The following NCAN variants were observed in gnomAD, a reference collection of about 807,000 sequenced individuals.
NCAN encodes neurocan.
NCAN carries 47 observed loss-of-function variants against 121.8 expected under a neutral mutation model. That is an observed-to-expected ratio of 0.39 (90% CI 0.31 to 0.49). The LOEUF (loss-of-function observed/expected upper bound fraction) is 0.49, where lower values mean the gene tolerates loss of function less well. Ranked by LOEUF, NCAN falls within the 20% of genes least tolerant of loss-of-function variation. NCAN has a pLI of 0.92. For synonymous variants in NCAN, 633 were observed against 702.0 expected (o/e 0.90, Z 1.55); for missense variants, 1,517 against 1,773.4 (o/e 0.86, Z 2.60).
chr19:19,223,906 C>T (rs535385963), intron 3 of NCAN, 115 bp from the exon 4 acceptor site: 24 of 1,075,860 alleles, frequency 2.2e-5, no homozygotes, highest in Admixed American at 2.0e-4. Flanking sequence ...CTGTGCCTGG[C>T]GCTAGGTCTA....
At chr19:19,226,188 C>T (rs957427598) in intron 6 of NCAN, among the ~76,000 whole-genome samples, 3 of 152,132 alleles carry the variant, frequency 2.0e-5, no homozygotes, top group African/African-American at 7.2e-5. Context: ...CCTTGGCCTC[C>T]CAAAGTGCTG....
At position 19,228,630 on chromosome 19, in the gene NCAN, G is replaced by A. The variant is rs778317893; in HGVS notation, c.3010G>A (p.Ala1004Thr). ...ALPGTPMNAG[A>T]EEVHSDPCEN... ...GCCAGGGACCCCTATGAATGCAGGT[G>A]CGGAGGAGGGTGAGTACAAAGTCCC... is the stretch of plus-strand genomic sequence containing the variant. The change falls in exon 8 of 15, where the codon GCG (alanine) becomes ACG (threonine). Residue 1004 changes from alanine (A) to threonine (T), a missense_variant. Coordinates refer to ENST00000252575, the MANE Select transcript of NCAN (RefSeq NM_004386.3). 3.1e-6 allele frequency: 5 copies of A among 1,608,896 alleles called. No individual in the cohort carries two copies. The highest frequency in any genetic ancestry group is 1.7e-5 in the Admixed American group (1 of 59,944).
intron 8 of NCAN, among the ~76,000 whole-genome samples, chr19:19,229,469 G>T (rs1035882128): frequency 6.6e-6 from 1 of 152,188 alleles, no homozygotes; most frequent in Non-Finnish European, 1.5e-5. Flanking sequence ...GATTTGACTC[G>T]TGGGGGACCT....
chr19:19,219,859 TAAA>T (rs35998446), intron 3 of NCAN, among the ~76,000 whole-genome samples: 22 of 128,220 alleles, frequency 1.7e-4, no homozygotes, highest in Admixed American at 3.2e-4. Context: ...ACCCCGTCTT[TAAA>T]AAAAAAAAAA....
At chr19:19,249,043 A>T in intron 14 of NCAN, 161 bp downstream of exon 14, 4 of 633,838 alleles carry the variant, frequency 6.3e-6, no homozygotes, top group Non-Finnish European at 1.1e-5. Flanking sequence ...TGTTTCCTTC[A>T]TTTGTGTGTG....
At chr19:19,215,791 G>T (rs1362139907) in intron 1 of NCAN, among the ~76,000 whole-genome samples, 2 of 152,230 alleles carry the variant, frequency 1.3e-5, no homozygotes, top group East Asian at 3.8e-4. Flanking sequence ...TGAGGATGCT[G>T]GGAGGACTGG....
chr19:19,222,302 CAG>C (rs2060819566), intron 3 of NCAN, among the ~76,000 whole-genome samples: 2 of 152,124 alleles, frequency 1.3e-5, no homozygotes, highest in Admixed American at 1.3e-4. Flanking sequence ...TTGTTTGAGA[CAG>C]AGTCTCACTC....
chr19:19,243,794 A>C (rs2060913381), intron 12 of NCAN, among the ~76,000 whole-genome samples: 1 of 151,914 alleles, frequency 6.6e-6, no homozygotes, highest in South Asian at 2.1e-4. Context: ...TTGGGAGGCC[A>C]AGGTGGGTGG....
In NCAN at chr19:19,226,515, C is replaced by G. The variant is rs1181103461; in HGVS notation, c.1102C>G (p.Leu368Val). 14 of 1,605,778 alleles carry G rather than the reference C, an allele frequency of 8.7e-6. No individual in the cohort carries two copies. The highest frequency in any genetic ancestry group is 2.7e-5 in the African/African-American group (2 of 74,674). ...AHHPTSQHGD[L>V]ETPSSGDEGE... ...TCACCCCACGTCACAACATGGAGAC[C>G]TAGAGACCCCATCCTCTGGGGATGA... is the stretch of plus-strand genomic sequence containing the variant. The change falls in exon 7 of 15, where the codon CTA becomes GTA. Residue 368 changes from leucine (L) to valine (V), a missense_variant. Transcript: ENST00000252575.
At chr19:19,249,301 G>A (rs1038490976) in intron 14 of NCAN, among the ~76,000 whole-genome samples, 1 of 152,086 alleles carries the variant, frequency 6.6e-6, no homozygotes, top group African/African-American at 2.4e-5. Flanking sequence ...GAACTCCTGA[G>A]TTCATGTGAT....
At position 19,225,337 on chromosome 19, in the gene NCAN, G is replaced by A. The variant is rs1001628399; in HGVS notation, c.1072+67G>A. ...TTTGGCGAAGGCCACGTCCCTGAAA[G>A]CCTCGCCAAGCCAAGGGAGAGACAC... On this transcript the variant is annotated intron_variant, in intron 6 of 14. Coordinates refer to ENST00000252575, the MANE Select transcript of NCAN (RefSeq NM_004386.3). The surrounding 1 kb of genome is among the most constrained non-coding windows in gnomAD (Gnocchi z 4.0). 8 of 1,433,382 alleles carry A rather than the reference G, an allele frequency of 5.6e-6. No individual in the cohort carries two copies. The African/African-American group carries it at 9.0e-5, about 16-fold the overall frequency. 88.8% of individuals were successfully genotyped at this position (1,433,382 alleles called of 1,614,324 possible).
At position 19,226,774 on chromosome 19, in the gene NCAN, G is replaced by C. The variant is rs762039510; in HGVS notation, c.1361G>C (p.Ser454Thr). 2 of 1,613,438 alleles carry C rather than the reference G, an allele frequency of 1.2e-6. No individual in the cohort carries two copies. Among genetic ancestry groups the C allele is most frequent in the Admixed American group, 1.7e-5 (1 of 60,022 alleles). ...GEVWLSTVAP[S>T]PSDMGAGTAA... ...GTGTGGCTAAGCACGGTGGCCCCCA[G>C]CCCTAGCGACATGGGGGCAGGCACT... Residue 454 changes from serine (S) to threonine (T), a missense_variant, in exon 7 of 15, where the codon AGC (serine) becomes ACC (threonine). Coordinates refer to ENST00000252575, the MANE Select transcript of NCAN (RefSeq NM_004386.3).
rs764140050 is a variant in NCAN at position 19,224,130 on chromosome 19, A to G, written c.585A>G (p.Leu195=). Residue 195 remains leucine, a synonymous_variant, in exon 4 of 15, where the codon CTA becomes CTG. Coordinates refer to ENST00000252575, the MANE Select transcript of NCAN (RefSeq NM_004386.3). ...SSAIIAAPRH[L]QAAFEDGFDN... ...CCATCATTGCAGCCCCTCGGCATCTACAGGCTGCCTTTGAGGATGGCTTTG... is the reference window on the plus strand; with the variant it reads ...CCATCATTGCAGCCCCTCGGCATCTGCAGGCTGCCTTTGAGGATGGCTTTG... 1.6e-5 allele frequency: 25 copies of G among 1,609,256 alleles called. No individual in the cohort carries two copies. In the South Asian group the frequency reaches 2.8e-4, roughly 18 times the overall value.
At chr19:19,224,579 T>A (rs2060828369) in intron 5 of NCAN, 146 bp downstream of exon 5, 1 of 1,124,026 alleles carries the variant, frequency 8.9e-7, no homozygotes, top group South Asian at 1.6e-5. Context: ...TTCCACTCAT[T>A]TTCTGAGCTT....
chr19:19,245,698 G>A (rs1599825192), intron 13 of NCAN, among the ~76,000 whole-genome samples: 3 of 152,166 alleles, frequency 2.0e-5, no homozygotes, highest in South Asian at 2.1e-4. Flanking sequence ...GGCTGGTCCC[G>A]AACTCCTGGG....
Position 19,212,898 on chromosome 19 carries a change from C to G in NCAN, c.-8+834C>G, listed in dbSNP as rs796268538. The stretch of plus-strand genomic sequence containing the variant: ...AGCCTCCCACGTCCTTACAGCATGA[C>G]ACAGACCCCTACCCCCACCCCCTTT... On this transcript the variant is annotated intron_variant, in intron 1 of 14. Coordinates refer to ENST00000252575, the MANE Select transcript of NCAN (RefSeq NM_004386.3). This position sits in a 1 kb window ranked among gnomAD's most constrained non-coding sequence, Gnocchi z 4.5. Among the ~76,000 whole-genome samples, 1 of 152,178 alleles carries G rather than the reference C, an allele frequency of 6.6e-6. No individual in the cohort carries two copies. The highest frequency in any genetic ancestry group is 1.5e-5 in the Non-Finnish European group (1 of 68,026).
chr19:19,247,495 C>T lies in NCAN; in HGVS notation c.3638-1205C>T, dbSNP rs561010163. ...GTCTCGATCTCCTGACCTTGTGATCCGCCTGCCTCGGCCTCCCAAAGTGCT... is the reference window on the plus strand; with the variant it reads ...GTCTCGATCTCCTGACCTTGTGATCTGCCTGCCTCGGCCTCCCAAAGTGCT... On this transcript the variant is annotated intron_variant, in intron 13 of 14. Transcript: ENST00000252575. Among the ~76,000 whole-genome samples, 82 of 152,098 alleles carry T rather than the reference C, an allele frequency of 5.4e-4. 1 individual carries two copies. The highest frequency in any genetic ancestry group is 6.8e-3 in the Middle Eastern group (2 of 294).
chr19:19,217,008 T>C lies in NCAN; in HGVS notation c.55T>C (p.Phe19Leu), dbSNP rs898754701. The stretch of plus-strand genomic sequence containing the variant: ...CCTTTTGATGCTGCAGATGCTGCTC[T>C]TTGTGGCTGGGGAACAGGGTGAGTT... ...LGLLMLQMLL[F>L]VAGEQGTQDI... is the part of the protein sequence containing the mutation. The change falls in exon 2 of 15, where the codon TTT becomes CTT. Residue 19 changes from phenylalanine (F) to leucine (L), a missense_variant. By Grantham distance (22) the Phe-to-Leu change is conservative. Coordinates refer to ENST00000252575, the MANE Select transcript of NCAN (RefSeq NM_004386.3). 1.5e-6 allele frequency: 2 copies of C among 1,312,098 alleles called. No homozygotes were observed. The highest frequency in any genetic ancestry group is 3.1e-5 in the Admixed American group (1 of 32,732). The allele number at this position is 1,312,098 out of a possible 1,614,324, so 81.3% of individuals were successfully genotyped here. A position where few individuals can be genotyped will look rare whatever the true frequency, so the allele number is the denominator to read the frequency against.
In NCAN at chr19:19,227,091, A is replaced by G; in HGVS notation, c.1660+18A>G. 6.7e-7 allele frequency: 1 copy of G among 1,503,646 alleles called. No individual in the cohort carries two copies. Among genetic ancestry groups the G allele is most frequent in the Non-Finnish European group, 8.9e-7 (1 of 1,128,228 alleles). The allele number at this position is 1,503,646 out of a possible 1,614,324, so 93.1% of individuals were successfully genotyped here. A position where few individuals can be genotyped will look rare whatever the true frequency, so the allele number is the denominator to read the frequency against. ...TGGAGCTGGTGAGTTGCTCTGGGGG[A>G]GGCGGGACCTACCTGGGGATCTGGA... On this transcript the variant is annotated intron_variant, in intron 7 of 14. Coordinates refer to ENST00000252575, the MANE Select transcript of NCAN (RefSeq NM_004386.3). The surrounding 1 kb of genome is among the most constrained non-coding windows in gnomAD (Gnocchi z 4.2).
Sources: allele counts gnomAD v4.1 joint callset (sites outside exome capture counted in the v4.1 genomes callset), GRCh38; gene constraint gnomAD v4.1.1; non-coding constraint Gnocchi (gnomAD v3.1); transcripts MANE v1.5; gene names NCBI Gene and HGNC (gene_info 2026-07-23, HGNC 2026-07-21).